GALNTL6: variants seen among roughly 807,000 people sequenced by gnomAD.
GALNTL6 encodes polypeptide N-acetylgalactosaminyltransferase like 6, also known as polypeptide N-acetylgalactosaminyltransferase-like 6.
GALNTL6 carries 46 observed loss-of-function variants against 73.7 expected under a neutral mutation model. The ratio of observed to expected loss-of-function variants is 0.62; its 90% CI spans 0.49 to 0.80. The LOEUF (loss-of-function observed/expected upper bound fraction) is 0.80. Ranked by LOEUF, GALNTL6 falls within the 30% of genes least tolerant of loss-of-function variation. GALNTL6 has a pLI of 0.00. For synonymous variants in GALNTL6, 259 were observed against 263.7 expected (o/e 0.98, Z 0.17); for missense variants, 604 against 755.0 (o/e 0.80, Z 2.34).
chr4:171,916,281 A>C (rs1287945947), intron 2 of GALNTL6, among the ~76,000 whole-genome samples: 3 of 152,210 alleles, frequency 2.0e-5, no homozygotes, highest in African/African-American at 7.2e-5. Flanking sequence ...TACTTTGCAG[A>C]CTTAGTTGTA....
intron 9 of GALNTL6, among the ~76,000 whole-genome samples, chr4:172,934,452 T>C (rs1748506871): frequency 6.6e-6 from 1 of 152,134 alleles, no homozygotes; most frequent in Admixed American, 6.5e-5. Flanking sequence ...TGCAAGACAG[T>C]AAATTTTTGT....
chr4:172,156,542 T>TATATATATATATATATA (rs1734277583), intron 2 of GALNTL6, among the ~76,000 whole-genome samples: 1 of 16,046 alleles, frequency 6.2e-5, no homozygotes, highest in East Asian at 1.2e-3. Flanking sequence ...ATATATATAA[T>TATATATATATATATATA]ATATATATAT....
intron 7 of GALNTL6, among the ~76,000 whole-genome samples, chr4:172,854,107 T>G (rs1266916271): frequency 6.6e-6 from 1 of 152,188 alleles, no homozygotes; most frequent in African/African-American, 2.4e-5. Context: ...GTATACCACA[T>G]GCATTCACTC....
chr4:172,173,147 A>G (rs1734886612), intron 2 of GALNTL6, among the ~76,000 whole-genome samples: 2 of 152,244 alleles, frequency 1.3e-5, no homozygotes, highest in Non-Finnish European at 1.5e-5. Flanking sequence ...TAGTAAATTA[A>G]AAGAGATTTC....
At chr4:172,250,962 T>C (rs10049623) in intron 3 of GALNTL6, among the ~76,000 whole-genome samples, 53,489 of 151,996 alleles carry the variant, frequency 0.35, 9,434 homozygotes, top group Non-Finnish European at 0.38. Context: ...TTATTCTGAA[T>C]ACCTAGTACC....
intron 5 of GALNTL6, among the ~76,000 whole-genome samples, chr4:172,529,012 C>CAG: frequency 1.9e-5 from 1 of 52,310 alleles, no homozygotes; most frequent in Admixed American, 2.8e-4. Flanking sequence ...TATATACACA[C>CAG]ACACACACAC....
chr4:171,843,211 TATG>T (rs1358470772), intron 2 of GALNTL6, among the ~76,000 whole-genome samples: 4 of 152,142 alleles, frequency 2.6e-5, no homozygotes, highest in African/African-American at 9.7e-5. Context: ...GGACACACTT[TATG>T]ATACTACAAT....
chr4:172,749,810 G>A (rs1476754777), intron 5 of GALNTL6, among the ~76,000 whole-genome samples: 3 of 150,934 alleles, frequency 2.0e-5, no homozygotes, highest in Non-Finnish European at 2.9e-5. Context: ...ATTTTTCCAT[G>A]TCTTCTATAA....
chr4:172,628,232 T>G (rs1470279442), intron 5 of GALNTL6, among the ~76,000 whole-genome samples: 1 of 152,166 alleles, frequency 6.6e-6, no homozygotes, highest in African/African-American at 2.4e-5. Flanking sequence ...CAGTATTCTT[T>G]TATATGTACA....
intron 10 of GALNTL6, among the ~76,000 whole-genome samples, chr4:173,008,734 C>T (rs76478906): frequency 0.023 from 3,447 of 152,290 alleles, 48 homozygotes; most frequent in African/African-American, 0.028. Context: ...CATGTTGATC[C>T]ATTTCCTCTG....
At chr4:172,753,049 T>G (rs1371587594) in intron 5 of GALNTL6, among the ~76,000 whole-genome samples, 5 of 152,190 alleles carry the variant, frequency 3.3e-5, no homozygotes, top group African/African-American at 9.6e-5. Context: ...TTGGCCGTGT[T>G]CCCACCCAAA....
chr4:172,909,997 C>A (rs977875089), intron 8 of GALNTL6, among the ~76,000 whole-genome samples: 4 of 151,380 alleles, frequency 2.6e-5, no homozygotes, highest in Admixed American at 6.6e-5. Flanking sequence ...ATATCCAAGT[C>A]TATTGGTAAG....
At chr4:172,723,787 TAGGTA>T (rs768424779) in intron 5 of GALNTL6, among the ~76,000 whole-genome samples, 1 of 151,652 alleles carries the variant, frequency 6.6e-6, no homozygotes, top group South Asian at 2.1e-4. Context: ...CCATTCACTT[TAGGTA>T]TCAAAGAGTG....
chr4:172,829,874 G>C (rs1742525896), intron 7 of GALNTL6, among the ~76,000 whole-genome samples: 1 of 152,158 alleles, frequency 6.6e-6, no homozygotes, highest in South Asian at 2.1e-4. Flanking sequence ...TTAAAAGTCT[G>C]AGAAACGAAA....
chr4:172,563,394 G>C (rs779914565), intron 5 of GALNTL6, among the ~76,000 whole-genome samples: 1 of 152,110 alleles, frequency 6.6e-6, no homozygotes, highest in Non-Finnish European at 1.5e-5. Flanking sequence ...AAACCACTGT[G>C]GTATCCCTCA....
intron 2 of GALNTL6, among the ~76,000 whole-genome samples, chr4:171,858,576 C>T (rs1735749902): frequency 6.7e-6 from 1 of 150,024 alleles, no homozygotes; most frequent in Non-Finnish European, 1.5e-5. Context: ...GTACTCATGC[C>T]AAGTAAGTAA....
intron 5 of GALNTL6, among the ~76,000 whole-genome samples, chr4:172,384,462 T>A (rs1452188291): frequency 6.6e-6 from 1 of 152,128 alleles, no homozygotes; most frequent in African/African-American, 2.4e-5. Flanking sequence ...GTTGCTTTCT[T>A]CATTCCTGAT....
intron 5 of GALNTL6, among the ~76,000 whole-genome samples, chr4:172,529,517 T>C (rs1432191666): frequency 6.6e-6 from 1 of 152,086 alleles, no homozygotes; most frequent in African/African-American, 2.4e-5. Context: ...TTTGATAGCA[T>C]TTTTTTCCTG....
intron 3 of GALNTL6, among the ~76,000 whole-genome samples, chr4:172,298,136 A>C (rs1441467879): frequency 6.6e-6 from 1 of 152,126 alleles, no homozygotes; most frequent in Admixed American, 6.6e-5. Flanking sequence ...GAGTTCACTC[A>C]TGATTTGGCT....
Sources: gnomAD v4.1 joint callset for allele counts (sites outside exome capture counted in the v4.1 genomes callset) on GRCh38, gnomAD v4.1.1 for gene constraint, MANE v1.5 for transcripts, NCBI Gene and HGNC (gene_info 2026-07-23, HGNC 2026-07-21) for gene names.